Variants in FMN2 observed in about 807,000 individuals in gnomAD.
The protein encoded by FMN2 is formin 2.
FMN2 carries 51 observed loss-of-function variants against 142.3 expected under a neutral mutation model. The observed-to-expected ratio is 0.36, with a 90% CI of 0.29 to 0.45. The LOEUF is 0.45. Ranked by LOEUF, FMN2 falls within the 20% of genes least tolerant of loss-of-function variation. The probability of loss-of-function intolerance (pLI) is 1.00; values close to 1 mark genes in which losing one functional copy is unlikely to be tolerated. For synonymous variants in FMN2, 882 were observed against 869.8 expected (o/e 1.01, Z -0.25); for missense variants, 1,936 against 2,122.8 (o/e 0.91, Z 1.73).
Position 240,452,641 on chromosome 1 carries a change from G to A in FMN2, c.5060+14431G>A, listed in dbSNP as rs549167611. The stretch of plus-strand genomic sequence containing the variant: ...ACTTTAAATTTTTCCAGGTGTTCAG[G>A]GGAAGTAAATAAAATGAGGCATAAA... On this transcript the variant is annotated intron_variant, in intron 16 of 17. Coordinates refer to ENST00000319653, the MANE Select transcript of FMN2 (RefSeq NM_020066.5). 1.1e-4 allele frequency among the ~76,000 whole-genome samples: 16 copies of A among 152,030 alleles called. No homozygotes were observed. The South Asian group carries it at 3.1e-3, about 30-fold the overall frequency.
intron 2 of FMN2, chr1:240,144,739 C>T (rs1363232596): frequency 3.0e-6 from 4 of 1,329,132 alleles, no homozygotes; most frequent in South Asian, 1.2e-5. Flanking sequence ...GCATGTCCAC[C>T]TGCTCAATTT....
At chr1:240,288,076 T>A (rs1006116741) in intron 7 of FMN2, among the ~76,000 whole-genome samples, 1 of 152,186 alleles carries the variant, frequency 6.6e-6, no homozygotes, top group African/African-American at 2.4e-5. Flanking sequence ...AAGGCAGAGT[T>A]GATTTTCAGG....
intron 2 of FMN2, among the ~76,000 whole-genome samples, chr1:240,161,309 A>ATC (rs1664269328): frequency 2.0e-5 from 3 of 152,022 alleles, no homozygotes; most frequent in African/African-American, 7.2e-5. Context: ...AGGCAGGCGG[A>ATC]ATACGAGGTC....
chr1:240,123,424 AC>A, intron 2 of FMN2, 79 bp downstream of exon 2: 1 of 1,405,748 alleles, frequency 7.1e-7, no homozygotes, highest in African/African-American at 1.5e-5. Context: ...CTGCCCAGTC[AC>A]CCTATAATTT....
chr1:240,332,042 G>T (rs769516442), intron 11 of FMN2, among the ~76,000 whole-genome samples: 8 of 152,186 alleles, frequency 5.3e-5, no homozygotes, highest in Non-Finnish European at 1.0e-4. Context: ...GTGTACGTGT[G>T]TGTGTGTTGT....
intron 14 of FMN2, among the ~76,000 whole-genome samples, chr1:240,361,980 G>T (rs1412009810): frequency 6.6e-6 from 1 of 152,166 alleles, no homozygotes; most frequent in African/African-American, 2.4e-5. Context: ...GGGCAAATGC[G>T]AATACTCATA....
chr1:240,432,676 A>AT (rs1296004074), intron 15 of FMN2, among the ~76,000 whole-genome samples: 5 of 151,456 alleles, frequency 3.3e-5, no homozygotes, highest in African/African-American at 4.8e-5. Flanking sequence ...ATATTTTGAT[A>AT]TTTTTTGTTT....
chr1:240,228,328 A>AAAAAAAAG (rs1558380489), intron 6 of FMN2, among the ~76,000 whole-genome samples: 2 of 66,366 alleles, frequency 3.0e-5, no homozygotes, highest in Non-Finnish European at 5.4e-5. Context: ...AAAAAAAAAA[A>AAAAAAAAG]AAAAGAAAAA....
chr1:240,144,778 G>C, intron 2 of FMN2: 1 of 1,397,724 alleles, frequency 7.2e-7, no homozygotes, highest in South Asian at 1.2e-5. Context: ...CATGCTCTGC[G>C]TCGTGGACCA....
At chr1:240,296,437 G>GC (rs1669986117) in intron 8 of FMN2, among the ~76,000 whole-genome samples, 1 of 44,864 alleles carries the variant, frequency 2.2e-5, no homozygotes, top group African/African-American at 1.2e-4. Context: ...ATCTTTGAGT[G>GC]CTTTTTTTTT....
chr1:240,142,741 C>T, intron 2 of FMN2: 11 of 1,609,168 alleles, frequency 6.8e-6, no homozygotes, highest in African/African-American at 1.3e-5. Context: ...AGAAACTCCT[C>T]AGTGGCCAAT....
chr1:240,198,963 G>T lies in FMN2; in HGVS notation c.1987-7836G>T, dbSNP rs182386196. Among the ~76,000 whole-genome samples, 6 of 152,174 alleles carry T rather than the reference G, an allele frequency of 3.9e-5. No homozygotes were observed. In the South Asian group the frequency reaches 1.0e-3, roughly 26 times the overall value. ...CTACTAAAAATACAAAAATTAGCCC[G>T]GCATGGTGGCTTGTGCCTGTAGTCC... On this transcript the variant is annotated intron_variant, in intron 4 of 17. Transcript: ENST00000319653.
intron 3 of FMN2, among the ~76,000 whole-genome samples, chr1:240,186,745 G>C (rs75942178): frequency 6.6e-6 from 1 of 152,194 alleles, no homozygotes; most frequent in African/African-American, 2.4e-5. Context: ...TGGTGAGCAA[G>C]TTGGGACAGA....
At chr1:240,248,791 T>A (rs1178371281) in intron 6 of FMN2, among the ~76,000 whole-genome samples, 1 of 152,176 alleles carries the variant, frequency 6.6e-6, no homozygotes, top group Non-Finnish European at 1.5e-5. Flanking sequence ...TCATTGTGTT[T>A]GATTTGCATT....
intron 11 of FMN2, among the ~76,000 whole-genome samples, chr1:240,331,967 T>C (rs1671391328): frequency 6.6e-6 from 1 of 152,202 alleles, no homozygotes; most frequent in South Asian, 2.1e-4. Flanking sequence ...TGCGTATCAC[T>C]TTTGTACCAT....
chr1:240,114,526 T>C (rs987095251), intron 1 of FMN2, among the ~76,000 whole-genome samples: 1 of 152,236 alleles, frequency 6.6e-6, no homozygotes, highest in Non-Finnish European at 1.5e-5. Context: ...GGCTGACAGC[T>C]TGATCCTTTC....
intron 8 of FMN2, among the ~76,000 whole-genome samples, chr1:240,295,167 A>C (rs1183722078): frequency 1.3e-5 from 2 of 150,580 alleles, no homozygotes; most frequent in East Asian, 3.9e-4. Flanking sequence ...AACTTGAGCC[A>C]AGCATTGTTC....
rs1663375681 is a variant in FMN2, at chr1:240,144,950, T to C, written c.1782+21605T>C. ...TTCCTTCTGGGAGCCTACTAGCCGA[T>C]ACTTGAGGCACTCGCACTCCCCACT... is the stretch of plus-strand genomic sequence containing the variant. On this transcript the variant is annotated intron_variant, in intron 2 of 17. Transcript: ENST00000319653. 5 of 1,275,844 alleles carry C rather than the reference T, an allele frequency of 3.9e-6. No homozygotes were observed. The South Asian group carries it at 5.9e-5, about 15-fold the overall frequency. 79.0% of individuals were successfully genotyped at this position (1,275,844 alleles called of 1,614,324 possible). A position where few individuals can be genotyped will look rare whatever the true frequency, so the allele number is the denominator to read the frequency against.
intron 13 of FMN2, among the ~76,000 whole-genome samples, chr1:240,352,989 A>G (rs747671240): frequency 1.1e-4 from 17 of 152,176 alleles, no homozygotes; most frequent in Non-Finnish European, 2.1e-4. Context: ...AGGTTACGTC[A>G]CTGTAGGAGT....
Sources: allele counts gnomAD v4.1 joint callset (sites outside exome capture counted in the v4.1 genomes callset), GRCh38; gene constraint gnomAD v4.1.1; transcripts MANE v1.5; gene names NCBI Gene and HGNC (gene_info 2026-07-23, HGNC 2026-07-21).